UNC80: variants seen among roughly 807,000 people sequenced by gnomAD.
UNC80 encodes the protein unc-80 subunit of NALCN channel complex.
UNC80 carries 164 observed loss-of-function variants against 384.6 expected under a neutral mutation model. That is an observed-to-expected ratio of 0.43 (90% CI 0.38 to 0.49). The LOEUF (loss-of-function observed/expected upper bound fraction) is 0.49. UNC80 is among the 20% of genes least tolerant of loss of function. The pLI is 0.00. For synonymous variants in UNC80, 1,486 were observed against 1,527.8 expected, an observed-to-expected ratio of 0.97 and a Z score of 0.64; for missense variants, 3,330 against 4,143.0, an observed-to-expected ratio of 0.80 and a Z score of 5.39.
At position 209,815,340 on chromosome 2, in the gene UNC80, A is replaced by G; in HGVS notation, c.1284A>G (p.Arg428=). Residue 428 remains arginine, a synonymous_variant, in exon 9 of 65, where the codon AGA becomes AGG. Coordinates refer to ENST00000673920, the MANE Select transcript of UNC80 (RefSeq NM_001371986.1). ...FSKVSLTNLR[R]SAVPDLSSDL... is the part of the protein sequence containing the mutation. ...AGGTTTCACTGACCAATCTGCGTAG[A>G]TCTGCAGTCCCAGATCTTTCTTCAG... 2 of 1,551,710 alleles carry G rather than the reference A, an allele frequency of 1.3e-6. No homozygotes were observed. The highest frequency in any genetic ancestry group is 1.7e-6 in the Non-Finnish European group (2 of 1,146,992).
chr2:209,774,483 T>G (rs1178230518), intron 2 of UNC80, among the ~76,000 whole-genome samples: 1 of 152,148 alleles, frequency 6.6e-6, no homozygotes, highest in Non-Finnish European at 1.5e-5. Flanking sequence ...GGGATAGATA[T>G]ATATATATCT....
chr2:209,797,624 C>A (rs2078248117), intron 7 of UNC80, among the ~76,000 whole-genome samples: 1 of 152,138 alleles, frequency 6.6e-6, no homozygotes, highest in South Asian at 2.1e-4. Flanking sequence ...AATAGTGCTG[C>A]AATAAACATA....
intron 25 of UNC80, among the ~76,000 whole-genome samples, chr2:209,886,396 A>G (rs1276918177): frequency 2.0e-5 from 3 of 151,888 alleles, no homozygotes; most frequent in African/African-American, 7.2e-5. Context: ...TGGACAACAT[A>G]GCAAGACCCC....
At chr2:209,950,899 G>A (rs1003321235) in intron 47 of UNC80, among the ~76,000 whole-genome samples, 1 of 151,980 alleles carries the variant, frequency 6.6e-6, no homozygotes, top group Non-Finnish European at 1.5e-5. Flanking sequence ...CAGGCCAGGT[G>A]CAGTGGCTCA....
At chr2:209,950,614 A>G (rs958037056) in intron 47 of UNC80, among the ~76,000 whole-genome samples, 1 of 149,720 alleles carries the variant, frequency 6.7e-6, no homozygotes, top group African/African-American at 2.5e-5. Flanking sequence ...GCTGGAGTGC[A>G]ATGGCACAAT....
chr2:209,915,813 C>G (rs1405769231), intron 31 of UNC80, among the ~76,000 whole-genome samples: 1 of 152,110 alleles, frequency 6.6e-6, no homozygotes, highest in Non-Finnish European at 1.5e-5. Flanking sequence ...TGTTCAAAAG[C>G]ATAGTAGTGT....
At chr2:209,819,648 G>T (rs1038859457) in intron 12 of UNC80, among the ~76,000 whole-genome samples, 2 of 152,036 alleles carry the variant, frequency 1.3e-5, no homozygotes, top group African/African-American at 4.8e-5. Flanking sequence ...AGAAAAAAAT[G>T]AATAGAAATT....
chr2:209,874,529 C>T (rs1328619893), intron 23 of UNC80, among the ~76,000 whole-genome samples: 3 of 152,224 alleles, frequency 2.0e-5, no homozygotes, highest in African/African-American at 7.2e-5. Flanking sequence ...ACACTGCCAA[C>T]TGCACATACC....
intron 29 of UNC80, among the ~76,000 whole-genome samples, chr2:209,909,730 C>T (rs1043312281): frequency 3.3e-5 from 5 of 151,930 alleles, no homozygotes; most frequent in African/African-American, 9.7e-5. Flanking sequence ...GTCAGGATGC[C>T]GAGAGGAGTC....
Position 209,849,346 on chromosome 2 carries a change from C to CGT in UNC80, c.3455-105_3455-104insGT. 3.8e-6 allele frequency: 5 copies of CGT among 1,304,628 alleles called. No homozygotes were observed. The Admixed American group carries it at 6.9e-5, about 18-fold the overall frequency. The allele number at this position is 1,304,628 out of a possible 1,614,324, so 80.8% of individuals were successfully genotyped here. ...GGAGTGAAGGAGAAAGTTTTCTGGC[C>CGT]AACACTGTAGAAAACACACTGTTAT... On this transcript the variant is annotated intron_variant, in intron 21 of 64. Coordinates refer to ENST00000673920, the MANE Select transcript of UNC80 (RefSeq NM_001371986.1).
chr2:209,945,169 A>T lies in UNC80; in HGVS notation c.7169A>T (p.Glu2390Val), dbSNP rs2091853387. The T allele has an allele frequency of 3.2e-6, 5 of 1,550,900 alleles. No individual in the cohort carries two copies. The highest frequency in any genetic ancestry group is 4.4e-6 in the Non-Finnish European group (5 of 1,146,636). Residue 2390 changes from glutamate to valine, a missense_variant, in exon 46 of 65, where the codon GAG becomes GTG. Glu to Val is a moderately radical substitution (Grantham distance 121). This residue lies in a region of UNC80 where 1,049 missense variants were observed against 1,488.6 expected (regional missense o/e 0.70). Transcript: ENST00000673920. Reference sequence around the variant, plus strand: ...GACATCTTAGAGCTGGTCAAAGCTGAGAAGCCTCTCAAGTCATTAGGTAAA... The same window carrying T: ...GACATCTTAGAGCTGGTCAAAGCTGTGAAGCCTCTCAAGTCATTAGGTAAA... ...ILDILELVKA[E>V]KPLKSLDFCY...
chr2:209,965,947 A>C (rs901555109), intron 51 of UNC80, among the ~76,000 whole-genome samples: 1 of 152,084 alleles, frequency 6.6e-6, no homozygotes, highest in African/African-American at 2.4e-5. Flanking sequence ...AAAAAAAAAA[A>C]AAAATCTTAT....
chr2:209,944,245 C>T (rs961327286), intron 45 of UNC80, among the ~76,000 whole-genome samples: 8 of 152,108 alleles, frequency 5.3e-5, no homozygotes, highest in East Asian at 1.9e-4. Flanking sequence ...AAGTAGAAAA[C>T]GGTAAAAGGA....
chr2:209,802,318 CA>C (rs1337526074), intron 7 of UNC80, among the ~76,000 whole-genome samples: 1 of 151,620 alleles, frequency 6.6e-6, no homozygotes, highest in African/African-American at 2.4e-5. Flanking sequence ...ATTTTTACCA[CA>C]AAAAAAGTAT....
intron 37 of UNC80, among the ~76,000 whole-genome samples, chr2:209,930,329 A>G (rs1038570323): frequency 6.6e-6 from 1 of 152,116 alleles, no homozygotes. Context: ...TCATTAACCA[A>G]AAACCTGATT....
At chr2:209,936,995 G>A in intron 41 of UNC80, 62 bp downstream of exon 41, 1 of 1,189,266 alleles carries the variant, frequency 8.4e-7, no homozygotes, top group Admixed American at 2.0e-5. Flanking sequence ...GCCTACCTGA[G>A]GGTGGCTCAC....
At chr2:209,899,270 G>A (rs2087125988) in intron 28 of UNC80, among the ~76,000 whole-genome samples, 1 of 152,178 alleles carries the variant, frequency 6.6e-6, no homozygotes, top group African/African-American at 2.4e-5. Context: ...TTCACAGAAT[G>A]TACAAAGCAA....
intron 29 of UNC80, among the ~76,000 whole-genome samples, chr2:209,912,353 T>C (rs957193691): frequency 4.6e-5 from 7 of 152,188 alleles, no homozygotes; most frequent in African/African-American, 1.4e-4. Context: ...CATTACTCAA[T>C]ATCTCTAAGC....
At chr2:209,852,065 A>T (rs369307505) in intron 22 of UNC80, among the ~76,000 whole-genome samples, 2 of 152,096 alleles carry the variant, frequency 1.3e-5, no homozygotes, top group East Asian at 3.9e-4. Context: ...GCCATCAAGT[A>T]AAGAGGCATT....
Sources: allele counts gnomAD v4.1 joint callset (sites outside exome capture counted in the v4.1 genomes callset), GRCh38; gene constraint gnomAD v4.1.1; regional missense constraint gnomAD v4.1.1; transcripts MANE v1.5; gene names NCBI Gene and HGNC (gene_info 2026-07-23, HGNC 2026-07-21).